The following RSF1 variants were observed in gnomAD, a reference collection of about 807,000 sequenced individuals.
The protein encoded by RSF1 is HBV pX-associated protein 8.
A neutral mutation model predicts 145.2 loss-of-function variants in RSF1; 13 were observed. The observed-to-expected ratio is 0.09, with a 90% confidence interval of 0.06 to 0.14. The LOEUF (loss-of-function observed/expected upper bound fraction) is 0.14, where lower values mean the gene tolerates loss of function less well. RSF1 is among the 10% of genes least tolerant of loss of function. RSF1 has a pLI of 1.00. For synonymous variants in RSF1, 577 were observed against 592.6 expected, an observed-to-expected ratio of 0.97 and a Z score of 0.38; for missense variants, 1,517 against 1,718.2, an observed-to-expected ratio of 0.88 and a Z score of 2.07.
At chr11:77,758,896 C>G (rs571307637) in intron 2 of RSF1, among the ~76,000 whole-genome samples, 2 of 152,140 alleles carry the variant, frequency 1.3e-5, no homozygotes, top group African/African-American at 4.8e-5. Context: ...ATTCTGTAGG[C>G]TGTCTTTTCA....
Position 77,663,018 on chromosome 11 carries a change from T to TGC in RSF1, c.*3897_*3898dup, listed in dbSNP as rs1959268626. 7.5e-6 allele frequency: 1 copy of TGC among 132,732 alleles called. No individual in the cohort carries two copies. The allele number at this position is 132,732 out of a possible 1,614,324, so 8.2% of individuals were successfully genotyped here. A position where few individuals can be genotyped will look rare whatever the true frequency, so the allele number is the denominator to read the frequency against. On this transcript the variant is annotated 3_prime_UTR_variant, in exon 16 of 16. Coordinates refer to ENST00000308488, the MANE Select transcript of RSF1 (RefSeq NM_016578.4). The stretch of plus-strand genomic sequence containing the variant: ...GATACTTATCTGAAGTGTGTGCGTG[T>TGC]GCACACACACACACACATATACACA...
intron 11 of RSF1, 121 bp downstream of exon 11, chr11:77,683,589 C>A (rs1167998977): frequency 5.4e-6 from 3 of 557,746 alleles, no homozygotes; most frequent in East Asian, 3.1e-5. Flanking sequence ...AGATGGAAGG[C>A]AAGAAATATA....
intron 5 of RSF1, among the ~76,000 whole-genome samples, chr11:77,715,110 C>G (rs1434238267): frequency 1.3e-5 from 2 of 152,002 alleles, no homozygotes; most frequent in Non-Finnish European, 2.9e-5. Flanking sequence ...GGCAATTGAG[C>G]AAGACCTTAT....
rs1288239330 is a variant in RSF1, at chr11:77,678,126, A to G, written c.3093T>C (p.Asp1031=). The G allele has an allele frequency of 1.2e-6, 2 of 1,610,574 alleles. No homozygotes were observed. The highest frequency in any genetic ancestry group is 1.7e-6 in the Non-Finnish European group (2 of 1,178,510). Residue 1031 remains aspartate (D), a synonymous_variant, in exon 12 of 16, where the codon GAT becomes GAC. Coordinates refer to ENST00000308488, the MANE Select transcript of RSF1 (RefSeq NM_016578.4). ...CTTTGATGTCATCTTCAATAGCTTC[A>G]TCAATTGCTTCATCAAACTCATCAA... ...YRFDEFDEAI[D]EAIEDDIKEA... is the part of the protein sequence containing the mutation.
the RSF1 span, among the ~76,000 whole-genome samples, chr11:77,832,489 C>T: frequency 2.6e-5 from 4 of 151,976 alleles, no homozygotes; most frequent in African/African-American, 9.6e-5. Context: ...ACCATGCCCA[C>T]CTAATTTTGT....
intron 1 of RSF1, among the ~76,000 whole-genome samples, chr11:77,804,958 CT>C (rs1388868084): frequency 6.6e-6 from 1 of 152,214 alleles, no homozygotes; most frequent in Non-Finnish European, 1.5e-5. Flanking sequence ...ACACATATCA[CT>C]TATGTGTACT....
At chr11:77,819,907 T>C (rs67875187) in intron 1 of RSF1, among the ~76,000 whole-genome samples, 26,800 of 150,858 alleles carry the variant, frequency 0.18, 2,962 homozygotes, top group African/African-American at 0.3. Flanking sequence ...CCTCCCCACT[T>C]CAAGGAAGGA....
chr11:77,829,592 A>G, the RSF1 span: 1 of 152,234 alleles, frequency 6.6e-6, no homozygotes, highest in African/African-American at 2.4e-5. Context: ...AATTCATTCC[A>G]TATAAATAAT....
rs572076466 is a variant in RSF1 at position 77,700,815 on chromosome 11, T to C, written c.2414A>G (p.Asp805Gly). 1.0e-4 allele frequency: 163 copies of C among 1,612,946 alleles called. 1 individual carries two copies. The South Asian group carries it at 1.7e-3, about 17-fold the overall frequency. Residue 805 changes from aspartate to glycine, a missense_variant, in exon 6 of 16, where the codon GAT (aspartate) becomes GGT (glycine). This residue lies in a region of RSF1 where 579 missense variants were observed against 553.5 expected (regional missense o/e 1.05). Transcript: ENST00000308488. ...AGCTGTTGACTCTTCTTCCACCTCA[T>C]CTTCTCCTTCCCCTCTTTTTTTATC... ...KADKKRGEGE[D>G]EVEEESTALQ... is the part of the protein sequence containing the mutation.
upstream of RSF1, among the ~76,000 whole-genome samples, chr11:77,825,239 C>T (rs557411152): frequency 6.6e-6 from 1 of 151,944 alleles, no homozygotes; most frequent in Non-Finnish European, 1.5e-5. Flanking sequence ...ACCTCAGCCT[C>T]CCAAAGTGCT....
At chr11:77,706,287 C>T (rs1022202948) in intron 5 of RSF1, among the ~76,000 whole-genome samples, 1 of 151,432 alleles carries the variant, frequency 6.6e-6, no homozygotes, top group African/African-American at 2.4e-5. Flanking sequence ...GTCAGACAAA[C>T]CTTAACGCTC....
the RSF1 span, among the ~76,000 whole-genome samples, chr11:77,868,392 C>T: frequency 4.5e-5 from 4 of 88,336 alleles, no homozygotes; most frequent in Non-Finnish European, 6.3e-5. Flanking sequence ...AAGTCTTGGT[C>T]TTGTTGCCCA....
chr11:77,828,484 G>T, the RSF1 span, among the ~76,000 whole-genome samples: 1 of 151,920 alleles, frequency 6.6e-6, no homozygotes, highest in East Asian at 1.9e-4. Context: ...TGGCTAACAT[G>T]GTGAAACCCC....
the RSF1 span, among the ~76,000 whole-genome samples, chr11:77,842,820 T>C: frequency 6.6e-6 from 1 of 152,238 alleles, no homozygotes; most frequent in Non-Finnish European, 1.5e-5. Flanking sequence ...TGTAGTGACA[T>C]TATAGTGACT....
intron 1 of RSF1, among the ~76,000 whole-genome samples, chr11:77,770,922 A>G (rs1948276048): frequency 6.6e-6 from 1 of 152,214 alleles, no homozygotes; most frequent in Non-Finnish European, 1.5e-5. Flanking sequence ...GTCAGTCTTT[A>G]AAGGGATACT....
chr11:77,748,387 G>A (rs1384401257), intron 2 of RSF1, among the ~76,000 whole-genome samples: 2 of 151,954 alleles, frequency 1.3e-5, no homozygotes, highest in South Asian at 4.2e-4. Flanking sequence ...ACCACACCTG[G>A]CTGATTTTTG....
chr11:77,730,231 C>A (rs1485924511), intron 4 of RSF1, among the ~76,000 whole-genome samples: 1 of 151,958 alleles, frequency 6.6e-6, no homozygotes, highest in African/African-American at 2.4e-5. Flanking sequence ...AATCACTGTG[C>A]TATATTAGCA....
intron 2 of RSF1, among the ~76,000 whole-genome samples, chr11:77,750,558 G>A (rs1948051371): frequency 6.6e-6 from 1 of 152,132 alleles, no homozygotes; most frequent in African/African-American, 2.4e-5. Context: ...TGTGGCTCAT[G>A]AGCTATAATC....
the RSF1 span, chr11:77,872,134 G>A: frequency 6.3e-7 from 1 of 1,592,036 alleles, no homozygotes; most frequent in Non-Finnish European, 8.5e-7. Flanking sequence ...CCCCTGGGGG[G>A]CCTTTCCCCC....
Sources: gnomAD v4.1 joint callset for allele counts (sites outside exome capture counted in the v4.1 genomes callset) on GRCh38, gnomAD v4.1.1 for gene constraint, gnomAD v4.1.1 regional missense constraint, MANE v1.5 for transcripts, NCBI Gene and HGNC (gene_info 2026-07-23, HGNC 2026-07-21) for gene names.